The following PDLIM5 variants were observed in gnomAD, a reference collection of about 807,000 sequenced individuals.
The protein encoded by PDLIM5 is PDZ and LIM domain protein 5.
Under a neutral mutation model 64.2 loss-of-function variants are expected in PDLIM5, and 34 were observed. The ratio of observed to expected loss-of-function variants is 0.53; its 90% CI spans 0.40 to 0.71. The LOEUF (loss-of-function observed/expected upper bound fraction) is 0.71. Among genes scored for constraint, PDLIM5 ranks in the 30% least tolerant of loss-of-function variants. The pLI is 0.00. For synonymous variants in PDLIM5, 253 were observed against 269.1 expected (o/e 0.94, Z 0.59); for missense variants, 683 against 733.6 (o/e 0.93, Z 0.80).
chr4:94,523,663 T>A, intron 2 of PDLIM5, 61 bp from the exon 3 acceptor site: 1 of 1,321,762 alleles, frequency 7.6e-7, no homozygotes, highest in Non-Finnish European at 1.1e-6. Flanking sequence ...GTATAATTTT[T>A]ATCAGCATTT....
At chr4:94,489,438 C>T (rs1726658005) in intron 2 of PDLIM5, among the ~76,000 whole-genome samples, 1 of 152,128 alleles carries the variant, frequency 6.6e-6, no homozygotes, top group Non-Finnish European at 1.5e-5. Flanking sequence ...TAGAGTTTGA[C>T]TGTCAGGCAG....
chr4:94,618,710 CTG>C (rs1738984099), intron 8 of PDLIM5, among the ~76,000 whole-genome samples: 1 of 152,306 alleles, frequency 6.6e-6, no homozygotes, highest in East Asian at 1.9e-4. Flanking sequence ...GTTTGGAAAC[CTG>C]AGTTCTCATT....
chr4:94,580,803 G>A (rs1246599202), intron 5 of PDLIM5, among the ~76,000 whole-genome samples: 1 of 151,840 alleles, frequency 6.6e-6, no homozygotes, highest in Non-Finnish European at 1.5e-5. Context: ...ATTTTGATGT[G>A]CCTTTCCCTA....
intron 7 of PDLIM5, among the ~76,000 whole-genome samples, chr4:94,592,108 T>C (rs1736718121): frequency 6.6e-6 from 1 of 152,198 alleles, no homozygotes; most frequent in Non-Finnish European, 1.5e-5. Flanking sequence ...AAATTAAGGA[T>C]GTTTATTTGT....
chr4:94,533,107 T>C (rs1444699005), intron 3 of PDLIM5, among the ~76,000 whole-genome samples: 1 of 152,212 alleles, frequency 6.6e-6, no homozygotes, highest in Non-Finnish European at 1.5e-5. Context: ...AGAAAATAAG[T>C]ATTTATCTTA....
At chr4:94,607,131 G>GT (rs751805478) in intron 7 of PDLIM5, among the ~76,000 whole-genome samples, 1 of 151,934 alleles carries the variant, frequency 6.6e-6, no homozygotes, top group Non-Finnish European at 1.5e-5. Flanking sequence ...AACTGTCTAC[G>GT]TTTTTTCAAC....
chr4:94,499,863 G>A (rs1328785519), intron 2 of PDLIM5, among the ~76,000 whole-genome samples: 2 of 152,188 alleles, frequency 1.3e-5, no homozygotes, highest in Admixed American at 6.5e-5. Context: ...AGGGATCTGG[G>A]TTGCAGGCTC....
intron 2 of PDLIM5, among the ~76,000 whole-genome samples, chr4:94,469,783 A>T (rs1578206805): frequency 6.6e-6 from 1 of 152,246 alleles, no homozygotes; most frequent in Admixed American, 6.5e-5. Context: ...CAAGAATTTA[A>T]AATTTTTTTT....
intron 2 of PDLIM5, among the ~76,000 whole-genome samples, chr4:94,460,489 C>T (rs933684680): frequency 1.3e-5 from 2 of 151,964 alleles, no homozygotes; most frequent in Non-Finnish European, 2.9e-5. Flanking sequence ...GGCACAGTGG[C>T]TCACTCCTGT....
intron 7 of PDLIM5, chr4:94,611,056 A>C: frequency 6.5e-7 from 1 of 1,529,912 alleles, no homozygotes; most frequent in East Asian, 2.4e-5. Context: ...AACTCTTTCT[A>C]AATGCTTACC....
intron 9 of PDLIM5, among the ~76,000 whole-genome samples, chr4:94,645,189 G>C (rs1039137405): frequency 2.0e-5 from 3 of 152,152 alleles, no homozygotes; most frequent in African/African-American, 7.2e-5. Context: ...CCATTCCTGA[G>C]TTACTTCACT....
At chr4:94,580,429 G>A (rs2110297643) in intron 5 of PDLIM5, among the ~76,000 whole-genome samples, 1 of 152,048 alleles carries the variant, frequency 6.6e-6, no homozygotes, top group South Asian at 2.1e-4. Context: ...TTTATATATA[G>A]GAATATTGCA....
intron 5 of PDLIM5, among the ~76,000 whole-genome samples, chr4:94,577,042 AAG>A (rs1367272487): frequency 1.3e-5 from 2 of 152,210 alleles, no homozygotes; most frequent in Non-Finnish European, 2.9e-5. Flanking sequence ...AAGTAAAGAA[AAG>A]AGAGAGAATA....
intron 3 of PDLIM5, among the ~76,000 whole-genome samples, chr4:94,564,826 T>A (rs1358822406): frequency 1.3e-5 from 2 of 151,362 alleles, no homozygotes; most frequent in Non-Finnish European, 2.9e-5. Context: ...CAGCTAATTT[T>A]TTTGTATTTT....
At chr4:94,563,046 A>G (rs1369365259) in intron 3 of PDLIM5, among the ~76,000 whole-genome samples, 1 of 152,172 alleles carries the variant, frequency 6.6e-6, no homozygotes, top group Non-Finnish European at 1.5e-5. Context: ...TCTATAAACA[A>G]AAATAAAGAT....
chr4:94,492,855 G>A (rs1172931942), intron 2 of PDLIM5, among the ~76,000 whole-genome samples: 1 of 152,130 alleles, frequency 6.6e-6, no homozygotes. Flanking sequence ...TTTTTGTGTT[G>A]ACAGATATTT....
At chr4:94,573,974 A>T (rs1735027785) in intron 4 of PDLIM5, among the ~76,000 whole-genome samples, 2 of 152,176 alleles carry the variant, frequency 1.3e-5, no homozygotes, top group Admixed American at 6.5e-5. Context: ...ATGCTCCAAA[A>T]TCCCAAACTT....
intron 3 of PDLIM5, 138 bp downstream of exon 3, chr4:94,524,013 A>G: frequency 6.8e-6 from 4 of 587,702 alleles, no homozygotes; most frequent in Non-Finnish European, 1.2e-5. Flanking sequence ...AATGGCTCTT[A>G]AATTGGATAA....
In PDLIM5 at chr4:94,664,146, A is replaced by G. The variant is rs757990851; in HGVS notation, c.*79A>G. 16 of 1,347,142 alleles carry G rather than the reference A, an allele frequency of 1.2e-5. No homozygotes were observed. The highest frequency in any genetic ancestry group is 1.6e-5 in the Non-Finnish European group (16 of 1,016,972). The allele number at this position is 1,347,142 out of a possible 1,614,324, so 83.4% of individuals were successfully genotyped here. On this transcript the variant is annotated 3_prime_UTR_variant, in exon 13 of 13. Transcript: ENST00000317968. ...AATTACTAATTAATTTTTAGATTCAATATTTATATGGAGTTTTGAAAAATA... is the reference window on the plus strand; with the variant it reads ...AATTACTAATTAATTTTTAGATTCAGTATTTATATGGAGTTTTGAAAAATA...
Sources: gnomAD v4.1 joint callset for allele counts (sites outside exome capture counted in the v4.1 genomes callset) on GRCh38, gnomAD v4.1.1 for gene constraint, MANE v1.5 for transcripts, NCBI Gene and HGNC (gene_info 2026-07-23, HGNC 2026-07-21) for gene names.